Variants in GRIK4 observed in about 807,000 individuals in gnomAD.
The protein encoded by GRIK4 is glutamate ionotropic receptor kainate type subunit 4, also known as glutamate receptor ionotropic, kainate 4.
In GRIK4, 40 loss-of-function variants were observed where a neutral mutation model predicts 104.9. The ratio of observed to expected loss-of-function variants is 0.38; its 90% CI spans 0.30 to 0.50. The LOEUF is 0.50. GRIK4 is among the 20% of genes least tolerant of loss of function. GRIK4 has a pLI of 0.93. For synonymous variants in GRIK4, 485 were observed against 524.9 expected (o/e 0.92, Z 1.04); for missense variants, 1,047 against 1,308.1 (o/e 0.80, Z 3.08).
Position 120,824,548 on chromosome 11 carries a change from C to CTCTT in GRIK4, c.511+4629_511+4630insCTTT, listed in dbSNP as rs1391390503. Among the ~76,000 whole-genome samples the CTCTT allele has an allele frequency of 7.3e-4, 96 of 131,218 alleles. 1 individual carries two copies. The highest frequency in any genetic ancestry group is 9.4e-4 in the Non-Finnish European group (55 of 58,450). 86.1% of individuals were successfully genotyped at this position (131,218 alleles called of 152,430 possible). The stretch of plus-strand genomic sequence containing the variant: ...TATTTTTTTTCCTTCTTTTTTTTTT[C>CTCTT]TTTTCTTTTTTTTTTTTTTTTGACA... On this transcript the variant is annotated intron_variant, in intron 6 of 20. Transcript: ENST00000527524.
rs1944757203 is a variant in GRIK4, at chr11:120,986,491, C to T, written c.*231C>T. The T allele has an allele frequency of 1.8e-6, 1 of 547,284 alleles. No homozygotes were observed. Among genetic ancestry groups the T allele is most frequent in the African/African-American group, 2.0e-5 (1 of 49,210 alleles). The allele number at this position is 547,284 out of a possible 1,614,324, so 33.9% of individuals were successfully genotyped here. A position where few individuals can be genotyped will look rare whatever the true frequency, so the allele number is the denominator to read the frequency against. On this transcript the variant is annotated 3_prime_UTR_variant, in exon 21 of 21. Transcript: ENST00000527524. Reference sequence around the variant, plus strand: ...TTGCACCCAAAGGGCAAAGGACGGCCCTCCCTCCTGGGCACAAGGACCCAT... The same window carrying T: ...TTGCACCCAAAGGGCAAAGGACGGCTCTCCCTCCTGGGCACAAGGACCCAT...
chr11:120,634,617 C>T (rs952570658), intron 1 of GRIK4, among the ~76,000 whole-genome samples: 2 of 148,234 alleles, frequency 1.3e-5, no homozygotes, highest in Non-Finnish European at 2.9e-5. Context: ...GGGACCCACT[C>T]GGAATTGAGT....
At chr11:120,825,370 G>T (rs1297557739) in intron 6 of GRIK4, among the ~76,000 whole-genome samples, 1 of 152,196 alleles carries the variant, frequency 6.6e-6, no homozygotes, top group Non-Finnish European at 1.5e-5. Flanking sequence ...GTGAAACCTC[G>T]CTCCCGGGAT....
intron 11 of GRIK4, among the ~76,000 whole-genome samples, chr11:120,889,732 G>A (rs931315624): frequency 2.0e-5 from 3 of 151,298 alleles, no homozygotes; most frequent in African/African-American, 7.3e-5. Context: ...AGCCTCCGGA[G>A]TAGTTATGAT....
At chr11:120,620,385 A>T (rs1312474462) in intron 1 of GRIK4, 20 of 566,118 alleles carry the variant, frequency 3.5e-5, no homozygotes, top group Non-Finnish European at 5.8e-5. Context: ...CCTAGTCCCC[A>T]TGTACTGCCC....
chr11:120,902,742 C>G lies in GRIK4; in HGVS notation c.1273-2548C>G, dbSNP rs1942770290. Among the ~76,000 whole-genome samples the G allele has an allele frequency of 6.6e-6, 1 of 152,112 alleles. No individual in the cohort carries two copies. Among genetic ancestry groups the G allele is most frequent in the East Asian group, 1.9e-4 (1 of 5,188 alleles). Reference sequence around the variant, plus strand: ...GCATGAGAGCAGGGGAGTTCTGAGACATGGGTTGGCACAGAAGGAGGCAGT... The same window carrying G: ...GCATGAGAGCAGGGGAGTTCTGAGAGATGGGTTGGCACAGAAGGAGGCAGT... On this transcript the variant is annotated intron_variant, in intron 12 of 20. Transcript: ENST00000527524. The surrounding 1 kb of genome is among the most constrained non-coding windows in gnomAD (Gnocchi z 4.5).
At chr11:120,818,610 C>T (rs1312681862) in intron 5 of GRIK4, among the ~76,000 whole-genome samples, 1 of 152,230 alleles carries the variant, frequency 6.6e-6, no homozygotes, top group Admixed American at 6.5e-5. Context: ...ACCTCAGTCT[C>T]AGAGGAGCTC....
intron 14 of GRIK4, among the ~76,000 whole-genome samples, chr11:120,949,640 ATTGGGGAGAAGGCGTGGGATTAAT>A (rs1943951249): frequency 6.6e-6 from 1 of 152,180 alleles, no homozygotes; most frequent in Non-Finnish European, 1.5e-5. Context: ...GTTTGCTGGC[ATTGGGGAGAAGGCGTGGGATTAAT>A]TAGGGAATTT....
intron 11 of GRIK4, among the ~76,000 whole-genome samples, chr11:120,880,227 A>G (rs928028356): frequency 2.6e-5 from 4 of 152,224 alleles, no homozygotes; most frequent in African/African-American, 9.6e-5. Flanking sequence ...CTAGAATTGC[A>G]TGGCACAGTC....
intron 1 of GRIK4, among the ~76,000 whole-genome samples, chr11:120,552,628 C>T (rs1591689603): frequency 6.6e-6 from 1 of 152,150 alleles, no homozygotes; most frequent in Non-Finnish European, 1.5e-5. Flanking sequence ...TCTACAGGAA[C>T]GTTCAGTCGC....
At chr11:120,877,056 G>A (rs1321938434) in intron 11 of GRIK4, among the ~76,000 whole-genome samples, 2 of 152,190 alleles carry the variant, frequency 1.3e-5, no homozygotes, top group African/African-American at 2.4e-5. Context: ...TGGAAGACGA[G>A]GCAGTAAAAG....
chr11:120,832,408 A>G (rs1953454035), intron 7 of GRIK4, among the ~76,000 whole-genome samples: 1 of 152,164 alleles, frequency 6.6e-6, no homozygotes, highest in South Asian at 2.1e-4. Flanking sequence ...GTAGTTTAAC[A>G]ACAGGACCAT....
At chr11:120,532,850 A>G (rs545674117) in intron 1 of GRIK4, among the ~76,000 whole-genome samples, 1 of 151,518 alleles carries the variant, frequency 6.6e-6, no homozygotes, top group African/African-American at 2.4e-5. Context: ...CTTGGAAGGG[A>G]GTGGGAAGGG....
intron 1 of GRIK4, among the ~76,000 whole-genome samples, chr11:120,535,192 A>C (rs1947960515): frequency 6.6e-6 from 1 of 151,888 alleles, no homozygotes; most frequent in Non-Finnish European, 1.5e-5. Flanking sequence ...AGCAGGCTCC[A>C]GCACACCCGG....
At chr11:120,927,499 G>A (rs1194894483) in intron 13 of GRIK4, among the ~76,000 whole-genome samples, 7 of 150,132 alleles carry the variant, frequency 4.7e-5, no homozygotes, top group Admixed American at 1.3e-4. Context: ...CCTGAGAGGC[G>A]GAGGTTGCAG....
At chr11:120,840,512 G>C (rs1044374651) in intron 8 of GRIK4, among the ~76,000 whole-genome samples, 1 of 152,110 alleles carries the variant, frequency 6.6e-6, no homozygotes, top group Non-Finnish European at 1.5e-5. Context: ...CAGCTTATGA[G>C]GTCCAAATCG....
intron 2 of GRIK4, among the ~76,000 whole-genome samples, chr11:120,658,890 A>G (rs1949764791): frequency 1.3e-5 from 2 of 151,508 alleles, no homozygotes; most frequent in South Asian, 2.1e-4. Context: ...CTGGGACTAT[A>G]GGCGCCTGCC....
intron 1 of GRIK4, among the ~76,000 whole-genome samples, chr11:120,522,216 G>T (rs1196069205): frequency 6.6e-6 from 1 of 152,238 alleles, no homozygotes; most frequent in Non-Finnish European, 1.5e-5. Flanking sequence ...AGCACCCAGT[G>T]CCTTGCCCGG....
rs148585226 is a variant in GRIK4 at position 120,643,987 on chromosome 11, T to C, written c.-158-9698T>C. Among the ~76,000 whole-genome samples, 596 of 148,744 alleles carry C rather than the reference T, an allele frequency of 4.0e-3. 5 individuals are homozygous for C. Among genetic ancestry groups the C allele is most frequent in the South Asian group, 0.031 (144 of 4,712 alleles). ...CAGATAATAGTACTTTATATATAGA[T>C]GACAAGTTTCCAGGGGAGAGGGTCT... On this transcript the variant is annotated intron_variant, in intron 1 of 20. Transcript: ENST00000527524.
Sources: gnomAD v4.1 joint callset for allele counts (sites outside exome capture counted in the v4.1 genomes callset) on GRCh38, gnomAD v4.1.1 for gene constraint, Gnocchi (gnomAD v3.1) non-coding constraint, MANE v1.5 for transcripts, NCBI Gene and HGNC (gene_info 2026-07-23, HGNC 2026-07-21) for gene names.